Variants in PTPRA observed in about 807,000 individuals in gnomAD.
PTPRA encodes the protein protein tyrosine phosphatase receptor type A, also known as receptor-type tyrosine-protein phosphatase alpha.
In PTPRA, 25 loss-of-function variants were observed where a neutral mutation model predicts 104.8. The observed-to-expected ratio is 0.24, with a 90% CI of 0.17 to 0.33. The LOEUF (loss-of-function observed/expected upper bound fraction) is 0.33. Ranked by LOEUF, PTPRA falls within the 10% of genes least tolerant of loss-of-function variation. The pLI is 1.00. For missense variants in PTPRA, 765 were observed against 1,015.3 expected (o/e 0.75, Z 3.35); for synonymous variants, 323 against 368.9 (o/e 0.88, Z 1.43).
chr20:2,914,951 A>G (rs1328284671), intron 1 of PTPRA, among the ~76,000 whole-genome samples: 9 of 152,214 alleles, frequency 5.9e-5, no homozygotes, highest in Admixed American at 5.9e-4. Context: ...TTGAGTCCTC[A>G]TACTATAAAT....
chr20:2,982,748 G>A (rs1308764352), intron 6 of PTPRA, among the ~76,000 whole-genome samples: 1 of 151,286 alleles, frequency 6.6e-6, no homozygotes, highest in Non-Finnish European at 1.5e-5. Flanking sequence ...CCAGGCTGAA[G>A]TGCAGTGGCG....
the PTPRA span, among the ~76,000 whole-genome samples, chr20:2,865,733 C>A: frequency 3.3e-5 from 5 of 152,140 alleles, no homozygotes; most frequent in African/African-American, 1.2e-4. This position sits in a 1 kb window ranked among gnomAD's most constrained non-coding sequence, Gnocchi z 5.2. Flanking sequence ...AGCTGCTTTC[C>A]CCAGGGAGGG....
At chr20:2,986,957 T>C in intron 7 of PTPRA, 108 bp downstream of exon 7, 1 of 1,002,776 alleles carries the variant, frequency 1.0e-6, no homozygotes, top group East Asian at 2.4e-5. Context: ...ATGAATAGGA[T>C]AGAGGGGGAA....
At chr20:2,933,110 T>TATA in intron 2 of PTPRA, among the ~76,000 whole-genome samples, 1 of 152,212 alleles carries the variant, frequency 6.6e-6, no homozygotes, top group Non-Finnish European at 1.5e-5. Flanking sequence ...AGATTACAAT[T>TATA]ATAGCAGTAC....
intron 11 of PTPRA, among the ~76,000 whole-genome samples, chr20:3,010,611 G>A (rs1465721359): frequency 1.3e-5 from 2 of 152,004 alleles, no homozygotes; most frequent in Non-Finnish European, 2.9e-5. Flanking sequence ...CTGGGCGACA[G>A]AGCGAGACTC....
intron 1 of PTPRA, among the ~76,000 whole-genome samples, chr20:2,910,920 CT>C (rs11473733): frequency 0.019 from 2,474 of 131,178 alleles, 113 homozygotes; most frequent in Admixed American, 0.099. Flanking sequence ...TTTATTTTAA[CT>C]TTTTTTTTTT....
At position 2,990,016 on chromosome 20, in the gene PTPRA, C is replaced by G. The variant is rs192313368; in HGVS notation, c.738+1542C>G. ...TGGGCAACAGAGGGAGACCCCATCT[C>G]AAAAAAAAGAAAAAATGACTCTGGC... On this transcript the variant is annotated intron_variant, in intron 9 of 23. Transcript: ENST00000399903. Among the ~76,000 whole-genome samples the G allele has an allele frequency of 1.4e-3, 217 of 150,746 alleles. 1 individual carries two copies. Among genetic ancestry groups the G allele is most frequent in the African/African-American group, 4.8e-3 (199 of 41,168 alleles).
At chr20:2,937,184 C>T (rs1279350544) in intron 2 of PTPRA, among the ~76,000 whole-genome samples, 1 of 145,258 alleles carries the variant, frequency 6.9e-6, no homozygotes, top group Non-Finnish European at 1.5e-5. Flanking sequence ...AGTGCAGTGG[C>T]GTGATCTCAG....
chr20:2,879,820 T>C (rs1281345100), intron 1 of PTPRA, among the ~76,000 whole-genome samples: 1 of 152,248 alleles, frequency 6.6e-6, no homozygotes, highest in African/African-American at 2.4e-5. Context: ...CTAGGAGCAG[T>C]AGGCTATACA....
chr20:2,871,689 C>CA (rs1411663921), upstream of PTPRA, among the ~76,000 whole-genome samples: 1 of 152,186 alleles, frequency 6.6e-6, no homozygotes, highest in Non-Finnish European at 1.5e-5. Flanking sequence ...ACTTTGACTT[C>CA]CTGCTTTTCA....
intron 1 of PTPRA, among the ~76,000 whole-genome samples, chr20:2,896,443 C>G (rs991180702): frequency 6.6e-6 from 1 of 152,178 alleles, no homozygotes; most frequent in Non-Finnish European, 1.5e-5. Flanking sequence ...CATGCACTTT[C>G]AGTCCTTTGG....
intron 1 of PTPRA, among the ~76,000 whole-genome samples, chr20:2,877,850 A>G (rs1022307729): frequency 6.6e-6 from 1 of 152,208 alleles, no homozygotes; most frequent in East Asian, 1.9e-4. Flanking sequence ...TCATTTAAGT[A>G]TTTGTTCATT....
intron 1 of PTPRA, among the ~76,000 whole-genome samples, chr20:2,874,001 A>T (rs930028246): frequency 3.3e-5 from 5 of 152,222 alleles, no homozygotes; most frequent in Non-Finnish European, 5.9e-5. Context: ...CTGCCCAGGA[A>T]CTTTGCATGC....
chr20:3,003,723 T>A (rs867157373), intron 9 of PTPRA, among the ~76,000 whole-genome samples: 1,538 of 115,842 alleles, frequency 0.013, 14 homozygotes, highest in African/African-American at 0.048. Flanking sequence ...TTTTTTTTTT[T>A]AATGTAGAGA....
At chr20:3,029,113 A>AG (rs1211195752) in intron 20 of PTPRA, among the ~76,000 whole-genome samples, 1,952 of 102,700 alleles carry the variant, frequency 0.019, 100 homozygotes, top group East Asian at 0.13. Context: ...TCATTACATC[A>AG]GGATTTTTTT....
intron 20 of PTPRA, among the ~76,000 whole-genome samples, chr20:3,032,337 C>T (rs907407486): frequency 6.6e-6 from 1 of 152,218 alleles, no homozygotes; most frequent in Non-Finnish European, 1.5e-5. Flanking sequence ...AGCAGTTCCC[C>T]TCTTTAACCA....
At chr20:2,921,370 C>T (rs2060091967) in intron 1 of PTPRA, among the ~76,000 whole-genome samples, 2 of 138,786 alleles carry the variant, frequency 1.4e-5, no homozygotes, top group African/African-American at 2.7e-5. Flanking sequence ...GTTCACCCTT[C>T]CTTGAATTTG....
At chr20:2,966,179 A>G (rs1372354420) in intron 5 of PTPRA, among the ~76,000 whole-genome samples, 1 of 152,140 alleles carries the variant, frequency 6.6e-6, no homozygotes, top group Non-Finnish European at 1.5e-5. Flanking sequence ...GCTTTTCCCC[A>G]TATTTTCTAC....
chr20:2,927,274 T>G (rs2060336247), intron 2 of PTPRA, among the ~76,000 whole-genome samples: 1 of 152,206 alleles, frequency 6.6e-6, no homozygotes, highest in Non-Finnish European at 1.5e-5. Flanking sequence ...TTCTGGGTTT[T>G]TATTTCTTTC....
Sources: allele counts gnomAD v4.1 joint callset (sites outside exome capture counted in the v4.1 genomes callset), GRCh38; gene constraint gnomAD v4.1.1; non-coding constraint Gnocchi (gnomAD v3.1); transcripts MANE v1.5; gene names NCBI Gene and HGNC (gene_info 2026-07-23, HGNC 2026-07-21).